The following NKAIN3 variants were observed in gnomAD, a reference collection of about 807,000 sequenced individuals.
NKAIN3 encodes the protein sodium/potassium transporting ATPase interacting 3, also known as sodium/potassium-transporting ATPase subunit beta-1-interacting protein 3.
Under a neutral mutation model 30.2 loss-of-function variants are expected in NKAIN3, and 25 were observed. That is an observed-to-expected ratio of 0.83 (90% CI 0.60 to 1.16). NKAIN3 has a LOEUF of 1.16. Ranked by LOEUF, NKAIN3 falls within the 50% of genes most tolerant of loss-of-function variation. The pLI is 0.00. For missense variants in NKAIN3, 225 were observed against 254.1 expected (o/e 0.89, Z 0.78); for synonymous variants, 91 against 89.6 (o/e 1.02, Z -0.09).
intron 1 of NKAIN3, among the ~76,000 whole-genome samples, chr8:62,358,732 C>T (rs913421487): frequency 7.2e-5 from 11 of 152,206 alleles, no homozygotes; most frequent in Admixed American, 5.9e-4. Context: ...GTAAGTGGCT[C>T]ACATTTATTA....
Position 62,339,046 on chromosome 8 carries a change from T to C in NKAIN3, c.54+89919T>C, listed in dbSNP as rs1171069540. Among the ~76,000 whole-genome samples, 3 of 152,032 alleles carry C rather than the reference T, an allele frequency of 2.0e-5. No homozygotes were observed. The East Asian group carries it at 5.8e-4, about 29-fold the overall frequency. ...GAGAGAGGCTCTCTGCTCTGAGTAGTTGGCATTAAGAAGAATCTAAAGAAT... is the reference window on the plus strand; with the variant it reads ...GAGAGAGGCTCTCTGCTCTGAGTAGCTGGCATTAAGAAGAATCTAAAGAAT... On this transcript the variant is annotated intron_variant, in intron 1 of 6. Transcript: ENST00000623646.
intron 4 of NKAIN3, among the ~76,000 whole-genome samples, chr8:62,833,662 A>G (rs1180578044): frequency 1.3e-5 from 2 of 151,862 alleles, no homozygotes; most frequent in African/African-American, 4.8e-5. Flanking sequence ...CCAATATCCA[A>G]TTCCAAAATT....
intron 3 of NKAIN3, among the ~76,000 whole-genome samples, chr8:62,605,350 G>C (rs557789473): frequency 1.3e-5 from 2 of 151,850 alleles, no homozygotes; most frequent in African/African-American, 4.8e-5. Flanking sequence ...GCCCATGACC[G>C]GATTTGTTTT....
intron 1 of NKAIN3, among the ~76,000 whole-genome samples, chr8:62,360,818 T>G (rs900947447): frequency 1.3e-5 from 2 of 152,130 alleles, no homozygotes; most frequent in African/African-American, 4.8e-5. Flanking sequence ...ATTGGGTGCA[T>G]ATATATTTAG....
intron 1 of NKAIN3, among the ~76,000 whole-genome samples, chr8:62,449,422 G>A (rs1805576196): frequency 6.6e-6 from 1 of 152,042 alleles, no homozygotes; most frequent in African/African-American, 2.4e-5. Flanking sequence ...TAAAGTGCAT[G>A]AAGCACTCAG....
intron 1 of NKAIN3, among the ~76,000 whole-genome samples, chr8:62,452,286 G>A (rs1317390796): frequency 6.6e-6 from 1 of 152,048 alleles, no homozygotes; most frequent in African/African-American, 2.4e-5. Context: ...GACCAGCCTG[G>A]CCAACATAGC....
intron 4 of NKAIN3, among the ~76,000 whole-genome samples, chr8:62,865,099 A>G (rs986894569): frequency 2.0e-5 from 3 of 151,804 alleles, no homozygotes; most frequent in Non-Finnish European, 4.4e-5. Flanking sequence ...TTGGGGAAAT[A>G]TTTCGAGGAG....
intron 1 of NKAIN3, among the ~76,000 whole-genome samples, chr8:62,345,420 CATATATACACAT>C (rs1563942489): frequency 2.8e-4 from 32 of 113,232 alleles, no homozygotes; most frequent in African/African-American, 1.2e-3. Context: ...TATATATACA[CATATATACACAT>C]ATATGTATAT....
intron 4 of NKAIN3, among the ~76,000 whole-genome samples, chr8:62,898,155 A>G (rs779132902): frequency 7.9e-5 from 12 of 152,180 alleles, no homozygotes; most frequent in Middle Eastern, 3.2e-3. Context: ...ATATCATGTT[A>G]ATATAGTTCT....
chr8:62,682,303 A>G (rs1358017151), intron 3 of NKAIN3, among the ~76,000 whole-genome samples: 1 of 152,088 alleles, frequency 6.6e-6, no homozygotes, highest in Admixed American at 6.5e-5. Flanking sequence ...ATACAGGAGT[A>G]GAGGAAGCAG....
At chr8:62,806,409 G>A (rs1201878589) in intron 4 of NKAIN3, among the ~76,000 whole-genome samples, 1 of 152,192 alleles carries the variant, frequency 6.6e-6, no homozygotes, top group Non-Finnish European at 1.5e-5. Context: ...CAACCCAAAT[G>A]TGCAACAATC....
intron 1 of NKAIN3, among the ~76,000 whole-genome samples, chr8:62,309,192 T>A (rs550351308): frequency 6.6e-6 from 1 of 150,834 alleles, no homozygotes; most frequent in Admixed American, 6.6e-5. Context: ...AAAAATAATA[T>A]TTGTACACCT....
chr8:62,681,233 C>T (rs1813634664), intron 3 of NKAIN3, among the ~76,000 whole-genome samples: 1 of 152,140 alleles, frequency 6.6e-6, no homozygotes, highest in African/African-American at 2.4e-5. Context: ...GTGTTTGTAA[C>T]TGCAGTGTTA....
At chr8:62,767,656 G>A (rs1218728371) in intron 4 of NKAIN3, among the ~76,000 whole-genome samples, 3 of 151,286 alleles carry the variant, frequency 2.0e-5, no homozygotes, top group Non-Finnish European at 4.4e-5. Context: ...CATTTACTTA[G>A]AAGCTTAGGA....
intron 1 of NKAIN3, among the ~76,000 whole-genome samples, chr8:62,385,068 A>G (rs746687662): frequency 6.6e-6 from 1 of 152,148 alleles, no homozygotes; most frequent in Non-Finnish European, 1.5e-5. Flanking sequence ...ACAGGACATG[A>G]GGATCTTTTA....
chr8:62,461,811 T>C (rs1806009223), intron 1 of NKAIN3, among the ~76,000 whole-genome samples: 1 of 152,104 alleles, frequency 6.6e-6, no homozygotes. Context: ...GAGCAGAGCC[T>C]CAGATGCCTG....
chr8:62,652,476 C>T (rs1812652842), intron 3 of NKAIN3, among the ~76,000 whole-genome samples: 1 of 152,170 alleles, frequency 6.6e-6, no homozygotes, highest in Admixed American at 6.5e-5. Context: ...ATAAAGATAA[C>T]AGTTTTTAGA....
chr8:62,986,169 G>T (rs1266392116), downstream of NKAIN3, among the ~76,000 whole-genome samples: 1 of 152,160 alleles, frequency 6.6e-6, no homozygotes, highest in Non-Finnish European at 1.5e-5. Flanking sequence ...AGAAGAATGT[G>T]TATTTGGAGA....
intron 1 of NKAIN3, among the ~76,000 whole-genome samples, chr8:62,355,739 C>T (rs978210297): frequency 6.6e-6 from 1 of 152,134 alleles, no homozygotes; most frequent in African/African-American, 2.4e-5. Context: ...AAAAGTGTTA[C>T]TCAAATTCTA....
Sources: gnomAD v4.1 joint callset for allele counts (sites outside exome capture counted in the v4.1 genomes callset) on GRCh38, gnomAD v4.1.1 for gene constraint, MANE v1.5 for transcripts, NCBI Gene and HGNC (gene_info 2026-07-23, HGNC 2026-07-21) for gene names.